Variants in MACROH2A2 observed in about 807,000 individuals in gnomAD.
The protein encoded by MACROH2A2 is core histone macro-H2A.2.
Under a neutral mutation model 37.6 loss-of-function variants are expected in MACROH2A2, and 6 were observed. The observed-to-expected ratio is 0.16, with a 90% CI of 0.09 to 0.32. The LOEUF (loss-of-function observed/expected upper bound fraction) is 0.32, where lower values mean the gene tolerates loss of function less well. Ranked by LOEUF, MACROH2A2 falls within the 10% of genes least tolerant of loss-of-function variation. The pLI is 1.00. For missense variants in MACROH2A2, 290 were observed against 485.9 expected, an observed-to-expected ratio of 0.60 and a Z score of 3.79; for synonymous variants, 192 against 202.7, an observed-to-expected ratio of 0.95 and a Z score of 0.45.
chr10:70,087,941 C>T (rs1396432641), intron 2 of MACROH2A2, among the ~76,000 whole-genome samples: 1 of 152,152 alleles, frequency 6.6e-6, no homozygotes, highest in Non-Finnish European at 1.5e-5. Flanking sequence ...ATACAGCATA[C>T]TTATGTCAAG....
chr10:70,095,685 T>C lies in MACROH2A2; in HGVS notation c.620T>C (p.Ile207Thr). 6.3e-7 allele frequency: 1 copy of C among 1,593,104 alleles called. No individual in the cohort carries two copies. The highest frequency in any genetic ancestry group is 8.6e-7 in the Non-Finnish European group (1 of 1,160,740). The part of the protein sequence containing the change: ...LSLTQSDISH[I>T]GSMRVEGIVH... ...TTAACCCAGAGTGACATCAGCCATA[T>C]TGGCTCCATGAGAGTGGAGGGCATT... Residue 207 changes from isoleucine (I) to threonine (T), a missense_variant, in exon 6 of 9, where the codon ATT becomes ACT. Coordinates refer to ENST00000373255, the MANE Select transcript of MACROH2A2 (RefSeq NM_018649.3).
intron 8 of MACROH2A2, among the ~76,000 whole-genome samples, chr10:70,110,500 C>A (rs908832612): frequency 1.3e-5 from 2 of 152,172 alleles, no homozygotes; most frequent in African/African-American, 4.8e-5. Flanking sequence ...GCTAATAAAA[C>A]TTCTGTTTGC....
chr10:70,062,660 C>T (rs889471308), intron 1 of MACROH2A2, among the ~76,000 whole-genome samples: 2 of 152,106 alleles, frequency 1.3e-5, no homozygotes, highest in South Asian at 2.1e-4. Flanking sequence ...TCGGTGTGAC[C>T]GAACCCCACC....
chr10:70,077,025 T>C (rs1435693830), intron 2 of MACROH2A2, among the ~76,000 whole-genome samples: 1 of 151,346 alleles, frequency 6.6e-6, no homozygotes, highest in Non-Finnish European at 1.5e-5. Flanking sequence ...ATGAAAGCCT[T>C]CCTCCTGAGC....
Sources: allele counts gnomAD v4.1 joint callset (sites outside exome capture counted in the v4.1 genomes callset), GRCh38; gene constraint gnomAD v4.1.1; transcripts MANE v1.5; gene names NCBI Gene and HGNC (gene_info 2026-07-23, HGNC 2026-07-21).